DNAH8: variants seen among roughly 807,000 people sequenced by gnomAD.
The protein encoded by DNAH8 is dynein axonemal heavy chain 8.
In DNAH8, 382 loss-of-function variants were observed where a neutral mutation model predicts 562.1. The ratio of observed to expected loss-of-function variants is 0.68; its 90% CI spans 0.63 to 0.74. The LOEUF is 0.74. DNAH8 is among the 30% of genes least tolerant of loss of function. DNAH8 has a pLI of 0.00. For missense variants in DNAH8, 5,203 were observed against 5,620.4 expected, an observed-to-expected ratio of 0.93 and a Z score of 2.37; for synonymous variants, 1,881 against 1,919.4, an observed-to-expected ratio of 0.98 and a Z score of 0.52.
chr6:39,016,317 C>T (rs1269516682), intron 91 of DNAH8, among the ~76,000 whole-genome samples: 7 of 151,920 alleles, frequency 4.6e-5, no homozygotes, highest in Non-Finnish European at 7.4e-5. Flanking sequence ...TTTGGGAGGC[C>T]GAGGCGGGCG....
chr6:38,999,536 T>A (rs1484788848), intron 88 of DNAH8, among the ~76,000 whole-genome samples: 1 of 152,056 alleles, frequency 6.6e-6, no homozygotes, highest in Admixed American at 6.6e-5. Context: ...AGAATAGTTT[T>A]ACTTCACTCT....
intron 84 of DNAH8, among the ~76,000 whole-genome samples, 153 bp downstream of exon 84, chr6:38,973,966 G>A (rs1257539349): frequency 2.0e-5 from 3 of 152,132 alleles, no homozygotes; most frequent in Non-Finnish European, 4.4e-5. Flanking sequence ...TCAAAATCTT[G>A]ACATCAAGGT....
Position 38,909,534 on chromosome 6 carries a change from G to T in DNAH8, c.9530G>T (p.Arg3177Leu), listed in dbSNP as rs1446386037. 2.5e-6 allele frequency: 4 copies of T among 1,613,910 alleles called. No individual in the cohort carries two copies. In the African/African-American group the frequency reaches 4.0e-5, roughly 16 times the overall value. The change falls in exon 65 of 93, where the codon CGT becomes CTT. Residue 3177 changes from arginine to leucine, a missense_variant. Physicochemically the swap from Arg to Leu is moderately radical, Grantham distance 102. Transcript: ENST00000327475. The stretch of plus-strand genomic sequence containing the variant: ...TATCAATAGGTTGGTGAGAAGTTCC[G>T]TGCCCGTTCTTTGAAATTTCCTGGC... Reference protein sequence around the residue: ...LCFSPVGEKFRARSLKFPGLI... With the variant: ...LCFSPVGEKFLARSLKFPGLI...
intron 82 of DNAH8, among the ~76,000 whole-genome samples, chr6:38,953,842 C>T (rs1762077242): frequency 1.4e-5 from 2 of 139,844 alleles, no homozygotes; most frequent in South Asian, 4.7e-4. Flanking sequence ...AATCCAATTA[C>T]TTTTTTTTTT....
intron 21 of DNAH8, among the ~76,000 whole-genome samples, chr6:38,798,390 T>G (rs904303408): frequency 6.6e-6 from 1 of 152,254 alleles, no homozygotes; most frequent in African/African-American, 2.4e-5. Context: ...GTATTCAGTC[T>G]GTTTCTTACT....
chr6:39,025,392 A>C (rs570626080), intron 91 of DNAH8, among the ~76,000 whole-genome samples: 2 of 152,292 alleles, frequency 1.3e-5, no homozygotes, highest in East Asian at 3.9e-4. Context: ...TGGCCTCTTC[A>C]TCTTTGTGGT....
chr6:39,003,405 G>A (rs1365739527), intron 88 of DNAH8, among the ~76,000 whole-genome samples: 1 of 152,062 alleles, frequency 6.6e-6, no homozygotes, highest in Admixed American at 6.5e-5. Context: ...ATTTTTCTCT[G>A]TTTTTCAAAC....
chr6:38,865,220 G>A (rs1776946651), intron 45 of DNAH8, among the ~76,000 whole-genome samples: 1 of 152,194 alleles, frequency 6.6e-6, no homozygotes. Flanking sequence ...CATGGATAAA[G>A]ATGATAAATT....
chr6:38,981,936 A>G (rs1219023944), intron 85 of DNAH8, among the ~76,000 whole-genome samples: 1 of 152,246 alleles, frequency 6.6e-6, no homozygotes, highest in Admixed American at 6.5e-5. Context: ...CTGTAAGAGT[A>G]TAATGTATTT....
intron 88 of DNAH8, among the ~76,000 whole-genome samples, chr6:38,991,627 G>A (rs1474954311): frequency 5.3e-5 from 8 of 152,078 alleles, no homozygotes; most frequent in Non-Finnish European, 1.0e-4. Context: ...AAGTCAAATA[G>A]TGCCACTGCC....
At chr6:38,892,293 C>G (rs949501428) in intron 58 of DNAH8, among the ~76,000 whole-genome samples, 2 of 152,186 alleles carry the variant, frequency 1.3e-5, no homozygotes, top group African/African-American at 4.8e-5. Context: ...GCCTCTCTAC[C>G]TGGCTCCAGG....
chr6:38,974,227 T>G, intron 84 of DNAH8, 147 bp from the exon 85 acceptor site: 1 of 651,760 alleles, frequency 1.5e-6, no homozygotes, highest in Non-Finnish European at 2.5e-6. Flanking sequence ...TATAACAATT[T>G]AATGCTAATA....
At chr6:38,915,131 C>T in intron 67 of DNAH8, 70 bp from the exon 68 acceptor site, 1 of 1,268,590 alleles carries the variant, frequency 7.9e-7, no homozygotes, top group Non-Finnish European at 1.1e-6. Flanking sequence ...AATATTTGCT[C>T]ACTATTCAGA....
At chr6:38,869,628 C>T (rs1777312154) in intron 48 of DNAH8, among the ~76,000 whole-genome samples, 1 of 152,162 alleles carries the variant, frequency 6.6e-6, no homozygotes, top group African/African-American at 2.4e-5. Context: ...CAGAACACTG[C>T]CCTGATGGAC....
At position 38,982,470 on chromosome 6, in the gene DNAH8, A is replaced by G; in HGVS notation, c.12951+8A>G. 1 of 1,313,092 alleles carries G rather than the reference A, an allele frequency of 7.6e-7. No homozygotes were observed. The highest frequency in any genetic ancestry group is 1.2e-5 in the South Asian group (1 of 84,450). The allele number at this position is 1,313,092 out of a possible 1,614,324, so 81.3% of individuals were successfully genotyped here. A position where few individuals can be genotyped will look rare whatever the true frequency, so the allele number is the denominator to read the frequency against. ...GAATGCGATATTAAGAAAGTGAGTG[A>G]AATTATGCCTTTTTTCCTGTTTTTA... On this transcript the variant is annotated splice_region_variant and intron_variant, in intron 86 of 92. Transcript: ENST00000327475.
At chr6:38,786,626 C>T (rs1365982163) in intron 17 of DNAH8, 139 bp from the exon 18 acceptor site, 2 of 758,988 alleles carry the variant, frequency 2.6e-6, no homozygotes, top group Non-Finnish European at 4.1e-6. Flanking sequence ...AGACGCTGTG[C>T]CTTAGCACCT....
chr6:38,931,698 C>T, intron 75 of DNAH8, 113 bp from the exon 76 acceptor site: 2 of 576,568 alleles, frequency 3.5e-6, no homozygotes, highest in Non-Finnish European at 5.9e-6. Flanking sequence ...AACTTTCCTT[C>T]CCAATTTATT....
chr6:38,866,505 A>G, intron 45 of DNAH8, 86 bp from the exon 46 acceptor site: 1 of 944,102 alleles, frequency 1.1e-6, no homozygotes, highest in Non-Finnish European at 1.6e-6. Context: ...CCATCTTAAA[A>G]TCTGAATTAG....
At chr6:39,011,073 A>G (rs1007460870) in intron 89 of DNAH8, among the ~76,000 whole-genome samples, 12 of 152,140 alleles carry the variant, frequency 7.9e-5, no homozygotes, top group Non-Finnish European at 1.6e-4. Context: ...AGGTAGTCCT[A>G]TTCAGGCTGC....
Sources: gnomAD v4.1 joint callset for allele counts (sites outside exome capture counted in the v4.1 genomes callset) on GRCh38, gnomAD v4.1.1 for gene constraint, MANE v1.5 for transcripts, NCBI Gene and HGNC (gene_info 2026-07-23, HGNC 2026-07-21) for gene names.